RALGPS1: variants seen among roughly 807,000 people sequenced by gnomAD.
RALGPS1 encodes the protein ras-specific guanine nucleotide-releasing factor RalGPS1.
Under a neutral mutation model 78.8 loss-of-function variants are expected in RALGPS1, and 19 were observed. The ratio of observed to expected loss-of-function variants is 0.24; its 90% CI spans 0.17 to 0.35. The LOEUF (loss-of-function observed/expected upper bound fraction) is 0.35, where lower values mean the gene tolerates loss of function less well. RALGPS1 is among the 10% of genes least tolerant of loss of function. The pLI, the probability that RALGPS1 is intolerant of heterozygous loss-of-function variation, is 1.00. For missense variants in RALGPS1, 454 were observed against 688.3 expected (o/e 0.66, Z 3.81); for synonymous variants, 228 against 256.3 (o/e 0.89, Z 1.06).
At chr9:127,104,666 G>A (rs2054046318) in intron 8 of RALGPS1, among the ~76,000 whole-genome samples, 1 of 152,212 alleles carries the variant, frequency 6.6e-6, no homozygotes, top group East Asian at 1.9e-4. Flanking sequence ...TCTCAGTAAG[G>A]CTGGGAACAG....
intron 11 of RALGPS1, chr9:127,184,321 GGA>G: frequency 1.2e-5 from 3 of 259,082 alleles, no homozygotes; most frequent in East Asian, 1.0e-4. Flanking sequence ...CCTTGTCTCA[GGA>G]AAAAAAAAAA....
chr9:127,172,915 G>A (rs1210279514), intron 10 of RALGPS1, among the ~76,000 whole-genome samples: 1 of 152,078 alleles, frequency 6.6e-6, no homozygotes, highest in Non-Finnish European at 1.5e-5. Context: ...TGGCTGTATT[G>A]CCATACCATT....
chr9:127,159,152 T>C (rs1588234742), intron 8 of RALGPS1, among the ~76,000 whole-genome samples: 1 of 152,204 alleles, frequency 6.6e-6, no homozygotes, highest in East Asian at 1.9e-4. Flanking sequence ...AGTAACCAGA[T>C]GCATGGCCTC....
chr9:126,949,604 A>G (rs2037615135), intron 1 of RALGPS1, among the ~76,000 whole-genome samples: 1 of 152,200 alleles, frequency 6.6e-6, no homozygotes, highest in South Asian at 2.1e-4. Flanking sequence ...GGCTGCATAA[A>G]TGTCTTCTTT....
chr9:127,195,396 G>A (rs1206427119), intron 12 of RALGPS1, among the ~76,000 whole-genome samples, 179 bp downstream of exon 12: 1 of 152,202 alleles, frequency 6.6e-6, no homozygotes, highest in Non-Finnish European at 1.5e-5. Flanking sequence ...GAGCTTGGGA[G>A]GAGCTGAGGG....
intron 8 of RALGPS1, among the ~76,000 whole-genome samples, chr9:127,081,258 C>T (rs992828519): frequency 5.9e-5 from 9 of 152,114 alleles, no homozygotes; most frequent in African/African-American, 1.9e-4. Flanking sequence ...TTTCTCTGCC[C>T]ACCAATTCTC....
At chr9:126,977,958 A>G in intron 4 of RALGPS1, 1 of 431,918 alleles carries the variant, frequency 2.3e-6, no homozygotes, top group Non-Finnish European at 4.1e-6. Context: ...CTACTCTGGC[A>G]GGGCTGGGAG....
At position 127,183,959 on chromosome 9, in the gene RALGPS1, AG is replaced by A. The variant is rs1026246447; in HGVS notation, c.910+9178del. 6.5e-7 allele frequency: 1 copy of A among 1,550,356 alleles called. No individual in the cohort carries two copies. Among genetic ancestry groups the A allele is most frequent in the African/African-American group, 1.4e-5 (1 of 73,006 alleles). On this transcript the variant is annotated intron_variant, in intron 11 of 18. Coordinates refer to ENST00000259351, the MANE Select transcript of RALGPS1 (RefSeq NM_014636.3). This position sits in a 1 kb window ranked among gnomAD's most constrained non-coding sequence, Gnocchi z 4.0. ...CCAACACCCTGCCTGGATGTGGCCC[AG>A]CTCCTCACGAGTACCAGCGGCTCCC...
intron 7 of RALGPS1, among the ~76,000 whole-genome samples, chr9:127,057,232 T>C (rs1488509206): frequency 6.6e-6 from 1 of 152,058 alleles, no homozygotes; most frequent in African/African-American, 2.4e-5. Flanking sequence ...CCTACACTGC[T>C]TGGGAAATGG....
intron 4 of RALGPS1, among the ~76,000 whole-genome samples, chr9:126,986,044 G>A (rs2041767890): frequency 6.6e-6 from 1 of 152,230 alleles, no homozygotes; most frequent in African/African-American, 2.4e-5. Context: ...GGTATTTCCT[G>A]GTGAGCTCAG....
Position 127,040,381 on chromosome 9 carries a change from G to A in RALGPS1, c.300+5867G>A, listed in dbSNP as rs960850966. Among the ~76,000 whole-genome samples, 5 of 152,186 alleles carry A rather than the reference G, an allele frequency of 3.3e-5. No individual in the cohort carries two copies. The South Asian group carries it at 6.2e-4, about 19-fold the overall frequency. On this transcript the variant is annotated intron_variant, in intron 5 of 18. Coordinates refer to ENST00000259351, the MANE Select transcript of RALGPS1 (RefSeq NM_014636.3). Reference sequence around the variant, plus strand: ...CTCACCACTGCACTCCAGCCTGGGCGACAGAGTGAAACGCTGTCTCAGAAG... The same window carrying A: ...CTCACCACTGCACTCCAGCCTGGGCAACAGAGTGAAACGCTGTCTCAGAAG...
chr9:127,121,049 G>C (rs576651254), intron 8 of RALGPS1, among the ~76,000 whole-genome samples: 1 of 152,254 alleles, frequency 6.6e-6, no homozygotes, highest in African/African-American at 2.4e-5. Context: ...TTCAAGTCCT[G>C]GTCCTGGCAC....
chr9:127,174,196 C>T (rs1463300370), intron 10 of RALGPS1, among the ~76,000 whole-genome samples: 4 of 142,098 alleles, frequency 2.8e-5, no homozygotes, highest in African/African-American at 7.9e-5. Context: ...TCCAGCCTGG[C>T]GACAGAGCAA....
chr9:127,114,336 G>A (rs1422479676), intron 8 of RALGPS1, among the ~76,000 whole-genome samples: 4 of 152,170 alleles, frequency 2.6e-5, no homozygotes, highest in Non-Finnish European at 5.9e-5. Flanking sequence ...TTTGAGGATC[G>A]TGAGTCATTT....
chr9:127,031,181 G>T (rs2046405005), intron 4 of RALGPS1, among the ~76,000 whole-genome samples: 1 of 152,180 alleles, frequency 6.6e-6, no homozygotes, highest in African/African-American at 2.4e-5. Context: ...TGTCTCCTCT[G>T]GTCAATTTTA....
At position 127,221,333 on chromosome 9, in the gene RALGPS1, A is replaced by T. The variant is rs1035555106; in HGVS notation, c.*2564A>T. ...AGAGTGTACAAATGTTCATAACGCC[A>T]TTGAAGGGATTATTTCTTGCATGCA... is the stretch of plus-strand genomic sequence containing the variant. On this transcript the variant is annotated 3_prime_UTR_variant, in exon 19 of 19. Transcript: ENST00000259351. 1.3e-5 allele frequency: 2 copies of T among 152,232 alleles called. No homozygotes were observed. Among genetic ancestry groups the T allele is most frequent in the African/African-American group, 4.8e-5 (2 of 41,474 alleles). 9.4% of individuals were successfully genotyped at this position (152,232 alleles called of 1,614,324 possible).
intron 4 of RALGPS1, among the ~76,000 whole-genome samples, chr9:127,023,296 G>C (rs1239796732): frequency 6.6e-6 from 1 of 152,174 alleles, no homozygotes; most frequent in Non-Finnish European, 1.5e-5. Flanking sequence ...GTTCCTGTCT[G>C]TCCCTGCTTT....
At chr9:127,160,216 C>T (rs147356592) in intron 8 of RALGPS1, among the ~76,000 whole-genome samples, 1 of 152,272 alleles carries the variant, frequency 6.6e-6, no homozygotes, top group Non-Finnish European at 1.5e-5. Context: ...GTATGGGTGT[C>T]CCTCAGCTTC....
intron 8 of RALGPS1, chr9:127,088,211 T>C (rs1277664924): frequency 6.6e-6 from 1 of 152,112 alleles, no homozygotes; most frequent in African/African-American, 2.4e-5. Flanking sequence ...GGGTGATGGA[T>C]GGTGAAAAGT....
Sources: allele counts gnomAD v4.1 joint callset (sites outside exome capture counted in the v4.1 genomes callset), GRCh38; gene constraint gnomAD v4.1.1; non-coding constraint Gnocchi (gnomAD v3.1); transcripts MANE v1.5; gene names NCBI Gene and HGNC (gene_info 2026-07-23, HGNC 2026-07-21).